Variants in GEMIN8 observed in about 807,000 individuals in gnomAD.
GEMIN8 encodes the protein gem-associated protein 8.
For synonymous variants in GEMIN8, 80 were observed against 78.5 expected, an observed-to-expected ratio of 1.02 and a Z score of -0.10; for missense variants, 185 against 205.9, an observed-to-expected ratio of 0.90 and a Z score of 0.62.
At chrX:14,024,663 A>G (rs1298010981) in intron 2 of GEMIN8, among the ~76,000 whole-genome samples, 1 of 111,995 alleles carries the variant, frequency 8.9e-6, no homozygotes, top group Non-Finnish European at 1.9e-5. Context: ...AGAAGCCAAG[A>G]GAATCATTTG....
At chrX:14,014,449 C>A in intron 4 of GEMIN8, 5 of 751,320 alleles carry the variant, frequency 6.7e-6, no homozygotes, top group Non-Finnish European at 7.9e-6. Context: ...ACTTTTACAA[C>A]AGAAGTGCAT....
chrX:13,984,454 A>G, the GEMIN8 span, among the ~76,000 whole-genome samples: 3 of 112,333 alleles, frequency 2.7e-5, no homozygotes, highest in Non-Finnish European at 5.6e-5. Flanking sequence ...GATTTTGTAA[A>G]TACAGTTTTG....
At chrX:14,012,857 T>TG (rs199833096) in intron 4 of GEMIN8, among the ~76,000 whole-genome samples, 29,991 of 107,363 alleles carry the variant, frequency 0.28, 3,264 homozygotes, top group African/African-American at 0.3. Flanking sequence ...AGAGGGGCTA[T>TG]GGGGGGGGGC....
Position 14,021,383 on chromosome X carries a change from C to CT in GEMIN8, c.15+80dup. Reference sequence around the variant, plus strand: ...CCCGTTGTGCGCATGTACCCTAAAACTTAAAGTATAAAAAAAAAGACTAAA... The same window carrying CT: ...CCCGTTGTGCGCATGTACCCTAAAACTTTAAAGTATAAAAAAAAAGACTAAA... On this transcript the variant is annotated intron_variant, in intron 3 of 4. Transcript: ENST00000680255. 6.9e-6 allele frequency: 4 copies of CT among 581,570 alleles called. No homozygotes were observed. The South Asian group carries it at 7.9e-5, about 12-fold the overall frequency. The allele number at this position is 581,570 out of a possible 1,213,427, so 47.9% of individuals were successfully genotyped here. A position where few individuals can be genotyped will look rare whatever the true frequency, so the allele number is the denominator to read the frequency against.
At chrX:14,028,306 C>T (rs1026700022) in intron 1 of GEMIN8, among the ~76,000 whole-genome samples, 4 of 111,769 alleles carry the variant, frequency 3.6e-5, no homozygotes, top group Middle Eastern at 4.6e-3. Context: ...TTCCTGATAA[C>T]GTTCTCTCCT....
intron 2 of GEMIN8, among the ~76,000 whole-genome samples, chrX:14,021,729 T>A (rs1924329794): frequency 9.7e-6 from 1 of 103,606 alleles, no homozygotes; most frequent in Admixed American, 1.1e-4. Context: ...GGTCAAAAGA[T>A]CCTGCATGGT....
chrX:13,992,405 C>T, the GEMIN8 span, among the ~76,000 whole-genome samples: 2 of 111,303 alleles, frequency 1.8e-5, no homozygotes, highest in Admixed American at 9.6e-5. Context: ...GAGTGATTTA[C>T]ATGGATACCC....
chrX:14,018,293 A>G (rs1924066360), intron 4 of GEMIN8, among the ~76,000 whole-genome samples: 1 of 112,466 alleles, frequency 8.9e-6, no homozygotes, highest in Non-Finnish European at 1.9e-5. Flanking sequence ...TCTTTGGTGC[A>G]AGGACACATT....
chrX:14,026,160 C>A lies in GEMIN8; in HGVS notation c.-54G>T. The A allele has an allele frequency of 1.3e-6, 1 of 753,005 alleles. No individual in the cohort carries two copies. The highest frequency in any genetic ancestry group is 1.6e-6 in the Non-Finnish European group (1 of 637,554). The allele number at this position is 753,005 out of a possible 1,213,427, so 62.1% of individuals were successfully genotyped here. A position where few individuals can be genotyped will look rare whatever the true frequency, so the allele number is the denominator to read the frequency against. On this transcript the variant is annotated 5_prime_UTR_variant, in exon 2 of 5. Transcript: ENST00000680255. ...CTCACCTCCCTGGGAATGTCTCCCA[C>A]TCTTTTATGGCACAAGCCTTCAGGG...
At chrX:13,998,862 A>G in the GEMIN8 span, among the ~76,000 whole-genome samples, 646 of 112,325 alleles carry the variant, frequency 5.8e-3, 4 homozygotes, top group African/African-American at 0.02. Context: ...GTCTAGCACT[A>G]TAACACATAT....
At chrX:14,026,242 A>C (rs1924684793) in intron 1 of GEMIN8, 21 bp from the exon 2 acceptor site, 1 of 748,809 alleles carries the variant, frequency 1.3e-6, no homozygotes, top group African/African-American at 2.3e-5. Context: ...AGAGATTGGC[A>C]ATGTCAGGGA....
At chrX:14,020,587 A>G (rs1012702203) in intron 3 of GEMIN8, 53 bp from the exon 4 acceptor site, 4 of 760,741 alleles carry the variant, frequency 5.3e-6, no homozygotes, top group Non-Finnish European at 8.0e-6. Flanking sequence ...ATTATCCTCA[A>G]GAGAAATCTT....
At chrX:14,018,708 G>C (rs765676030) in intron 4 of GEMIN8, among the ~76,000 whole-genome samples, 11 of 109,473 alleles carry the variant, frequency 1.0e-4, no homozygotes, top group Non-Finnish European at 1.9e-4. Context: ...TGTCTTAAAA[G>C]TATTTGTTTG....
chrX:14,015,946 C>T (rs532340396), intron 4 of GEMIN8, among the ~76,000 whole-genome samples: 3 of 111,271 alleles, frequency 2.7e-5, no homozygotes, highest in South Asian at 7.7e-4. Flanking sequence ...GCGCCATGGG[C>T]ACTCAGATTA....
the GEMIN8 span, among the ~76,000 whole-genome samples, chrX:13,991,646 T>C: frequency 3.6e-5 from 4 of 111,903 alleles, no homozygotes; most frequent in Non-Finnish European, 7.5e-5. Context: ...ATGAGTCAAT[T>C]GAGGCTGTCC....
downstream of GEMIN8, among the ~76,000 whole-genome samples, chrX:14,005,451 C>T (rs758824292): frequency 2.9e-4 from 32 of 111,829 alleles, 1 homozygote; most frequent in Admixed American, 1.8e-3. Flanking sequence ...TCCTGAAGGG[C>T]TGCGTGCTCA....
chrX:14,029,105 G>A (rs1362386182), intron 1 of GEMIN8, among the ~76,000 whole-genome samples: 2 of 111,925 alleles, frequency 1.8e-5, no homozygotes, highest in Non-Finnish European at 3.8e-5. Flanking sequence ...GGAACATCAA[G>A]ATTTCAGAGC....
chrX:14,011,723 C>G (rs1923563899), intron 4 of GEMIN8, among the ~76,000 whole-genome samples: 1 of 110,353 alleles, frequency 9.1e-6, no homozygotes, highest in Non-Finnish European at 1.9e-5. Flanking sequence ...TGTTCAACTT[C>G]CTGCATAAAT....
Position 14,021,486 on chromosome X carries a change from T to C in GEMIN8, c.-8A>G. The C allele has an allele frequency of 8.6e-7, 1 of 1,164,122 alleles. No individual in the cohort carries two copies. The highest frequency in any genetic ancestry group is 1.2e-6 in the Non-Finnish European group (1 of 853,639). On this transcript the variant is annotated 5_prime_UTR_variant, in exon 3 of 5. Coordinates refer to ENST00000680255, the MANE Select transcript of GEMIN8 (RefSeq NM_001042479.2). ...TACCTTTACCGCTGCCATCTCTGAT[T>C]GTGAAAGTCCAAATGGGTGCTGAAA...
Sources: gnomAD v4.1 joint callset for allele counts (sites outside exome capture counted in the v4.1 genomes callset) on GRCh38, gnomAD v4.1.1 for gene constraint, MANE v1.5 for transcripts, NCBI Gene and HGNC (gene_info 2026-07-23, HGNC 2026-07-21) for gene names.